Variants in BCAS3 observed in about 807,000 individuals in gnomAD.
BCAS3 encodes the protein BCAS3 microtubule associated cell migration factor.
A neutral mutation model predicts 116.1 loss-of-function variants in BCAS3; 53 were observed. The ratio of observed to expected loss-of-function variants is 0.46; its 90% CI spans 0.37 to 0.57. The LOEUF is 0.57. Ranked by LOEUF, BCAS3 falls within the 20% of genes least tolerant of loss-of-function variation. The pLI is 0.00. For synonymous variants in BCAS3, 391 were observed against 408.2 expected (o/e 0.96, Z 0.51); for missense variants, 917 against 1,165.4 (o/e 0.79, Z 3.10).
Position 61,368,569 on chromosome 17 carries a change from G to A in BCAS3, c.2593+75G>A, listed in dbSNP as rs952982996. The A allele has an allele frequency of 1.8e-5, 26 of 1,457,470 alleles. No homozygotes were observed. Among genetic ancestry groups the A allele is most frequent in the Admixed American group, 6.7e-5 (3 of 45,096 alleles). The allele number at this position is 1,457,470 out of a possible 1,614,324, so 90.3% of individuals were successfully genotyped here. A position where few individuals can be genotyped will look rare whatever the true frequency, so the allele number is the denominator to read the frequency against. On this transcript the variant is annotated intron_variant, in intron 23 of 23. Coordinates refer to ENST00000407086, the MANE Select transcript of BCAS3 (RefSeq NM_017679.5). This position sits in a 1 kb window ranked among gnomAD's most constrained non-coding sequence, Gnocchi z 6.0. ...GTTGGTGCAGAGCTTCTCTGGAATCGTTTGTGGGCATATGTTTGTTTTTGC... is the reference window on the plus strand; with the variant it reads ...GTTGGTGCAGAGCTTCTCTGGAATCATTTGTGGGCATATGTTTGTTTTTGC...
intron 14 of BCAS3, among the ~76,000 whole-genome samples, chr17:60,965,881 C>T (rs1445384265): frequency 6.6e-6 from 1 of 152,126 alleles, no homozygotes; most frequent in Non-Finnish European, 1.5e-5. Flanking sequence ...TAGTTTAACT[C>T]TGCTGTTTCA....
At chr17:60,855,235 A>T (rs1369409807) in intron 7 of BCAS3, among the ~76,000 whole-genome samples, 2 of 149,348 alleles carry the variant, frequency 1.3e-5, no homozygotes, top group African/African-American at 4.9e-5. Flanking sequence ...GGTGTGAGCC[A>T]CCGTGCCCAG....
At chr17:61,271,289 G>A (rs575111503) in intron 22 of BCAS3, among the ~76,000 whole-genome samples, 2 of 142,100 alleles carry the variant, frequency 1.4e-5, no homozygotes, top group Non-Finnish European at 3.0e-5. Context: ...CACCACGCCC[G>A]ACTAGTTTTT....
At position 61,368,184 on chromosome 17, in the gene BCAS3, C is replaced by A. The variant is rs2058840735; in HGVS notation, c.2426-143C>A. On this transcript the variant is annotated intron_variant, in intron 22 of 23. Transcript: ENST00000407086. The surrounding 1 kb of genome is among the most constrained non-coding windows in gnomAD (Gnocchi z 6.0). Reference sequence around the variant, plus strand: ...GCATGAGCTATTTCTCCTGCGCTACCCAGTCTGTTGGCGGCGTGCTTCCAT... The same window carrying A: ...GCATGAGCTATTTCTCCTGCGCTACACAGTCTGTTGGCGGCGTGCTTCCAT... The A allele has an allele frequency of 4.9e-6, 4 of 810,734 alleles. No individual in the cohort carries two copies. Among genetic ancestry groups the A allele is most frequent in the African/African-American group, 1.7e-5 (1 of 58,800 alleles). 50.2% of individuals were successfully genotyped at this position (810,734 alleles called of 1,614,324 possible).
chr17:60,807,875 C>T, intron 6 of BCAS3, 129 bp from the exon 7 acceptor site: 1 of 547,476 alleles, frequency 1.8e-6, no homozygotes, highest in Non-Finnish European at 3.1e-6. Context: ...TCTTTTTATT[C>T]AATTGTATAA....
At chr17:61,147,948 T>C (rs2077327547) in intron 22 of BCAS3, among the ~76,000 whole-genome samples, 1 of 150,304 alleles carries the variant, frequency 6.7e-6, no homozygotes, top group South Asian at 2.1e-4. Context: ...ATCATGCCAT[T>C]GCACTCCAAT....
At chr17:60,772,426 G>T (rs1228430182) in intron 6 of BCAS3, among the ~76,000 whole-genome samples, 2 of 152,096 alleles carry the variant, frequency 1.3e-5, no homozygotes, top group Non-Finnish European at 2.9e-5. Context: ...TTGAAAATTT[G>T]TTTAAGTTCT....
rs901043472 is a variant in BCAS3 at position 61,227,691 on chromosome 17, C to T, written c.2426-140636C>T. Among the ~76,000 whole-genome samples, 6 of 152,148 alleles carry T rather than the reference C, an allele frequency of 3.9e-5. No homozygotes were observed. Among genetic ancestry groups the T allele is most frequent in the South Asian group, 2.1e-4 (1 of 4,822 alleles). On this transcript the variant is annotated intron_variant, in intron 22 of 23. Coordinates refer to ENST00000407086, the MANE Select transcript of BCAS3 (RefSeq NM_017679.5). This position sits in a 1 kb window ranked among gnomAD's most constrained non-coding sequence, Gnocchi z 6.1. The stretch of plus-strand genomic sequence containing the variant: ...CCAGCCCATCAGGTTGGAGCACACT[C>T]GGGAAAGTTCTTGCTACTCCGAAGG...
intron 23 of BCAS3, among the ~76,000 whole-genome samples, chr17:61,371,434 G>A (rs1042361155): frequency 6.6e-6 from 1 of 152,150 alleles, no homozygotes; most frequent in African/African-American, 2.4e-5. Flanking sequence ...GAGTGGTCTG[G>A]GGGTTGAAGG....
chr17:61,016,561 G>A (rs1180513949), intron 16 of BCAS3, among the ~76,000 whole-genome samples: 2 of 152,014 alleles, frequency 1.3e-5, no homozygotes, highest in Non-Finnish European at 2.9e-5. Context: ...TAAACTGCTA[G>A]GTCTATGATA....
At chr17:61,252,637 A>G (rs1047751782) in intron 22 of BCAS3, among the ~76,000 whole-genome samples, 3 of 152,084 alleles carry the variant, frequency 2.0e-5, no homozygotes, top group African/African-American at 4.8e-5. Flanking sequence ...TCCTTATGGA[A>G]CATGGTTCCT....
chr17:60,916,318 CA>C (rs774695020), intron 12 of BCAS3, among the ~76,000 whole-genome samples: 1 of 152,094 alleles, frequency 6.6e-6, no homozygotes, highest in African/African-American at 2.4e-5. Context: ...GAAAGTGGTA[CA>C]ATATCTTTAA....
rs1602694959 is a variant in BCAS3, at chr17:61,325,437, C to T, written c.2426-42890C>T. Among the ~76,000 whole-genome samples the T allele has an allele frequency of 6.6e-6, 1 of 152,150 alleles. No individual in the cohort carries two copies. Among genetic ancestry groups the T allele is most frequent in the South Asian group, 2.1e-4 (1 of 4,832 alleles). On this transcript the variant is annotated intron_variant, in intron 22 of 23. Coordinates refer to ENST00000407086, the MANE Select transcript of BCAS3 (RefSeq NM_017679.5). This position sits in a 1 kb window ranked among gnomAD's most constrained non-coding sequence, Gnocchi z 6.4. ...CTCTGCTCCAGGGATATGGGCACTG[C>T]CTGGAGGGTGGTGAGCCTTTCCTGG...
At chr17:61,090,458 A>G (rs1341986396) in intron 22 of BCAS3, among the ~76,000 whole-genome samples, 3 of 152,220 alleles carry the variant, frequency 2.0e-5, no homozygotes, top group East Asian at 1.9e-4. Context: ...TCAAATATTA[A>G]GATTGGCTTT....
At chr17:61,114,793 G>C (rs1257407378) in intron 22 of BCAS3, among the ~76,000 whole-genome samples, 1 of 149,284 alleles carries the variant, frequency 6.7e-6, no homozygotes, top group African/African-American at 2.4e-5. Flanking sequence ...GCAATCCTAA[G>C]CCAAAAGAAC....
At chr17:60,921,612 CAAAAAAAAAAAA>C (rs755864096) in intron 12 of BCAS3, among the ~76,000 whole-genome samples, 1,169 of 33,348 alleles carry the variant, frequency 0.035, 18 homozygotes, top group African/African-American at 0.087. Flanking sequence ...GACTCCGTCT[CAAAAAAAAAAAA>C]AAAAAAAAAA....
In BCAS3 at chr17:61,309,493, G is replaced by A. The variant is rs751186423; in HGVS notation, c.2426-58834G>A. On this transcript the variant is annotated intron_variant, in intron 22 of 23. Transcript: ENST00000407086. This position sits in a 1 kb window ranked among gnomAD's most constrained non-coding sequence, Gnocchi z 4.6. ...TAAAGTGGACATCAGAGGGGTCCCG[G>A]CAATGCGGCCCTGACCCTTCCCTGC... 1.1e-4 allele frequency among the ~76,000 whole-genome samples: 16 copies of A among 152,134 alleles called. No homozygotes were observed. The highest frequency in any genetic ancestry group is 2.2e-4 in the Non-Finnish European group (15 of 68,024).
chr17:61,323,190 A>ATTT lies in BCAS3; in HGVS notation c.2426-45136_2426-45134dup, dbSNP rs2055450503. On this transcript the variant is annotated intron_variant, in intron 22 of 23. Coordinates refer to ENST00000407086, the MANE Select transcript of BCAS3 (RefSeq NM_017679.5). This position sits in a 1 kb window ranked among gnomAD's most constrained non-coding sequence, Gnocchi z 4.6. The stretch of plus-strand genomic sequence containing the variant: ...CTGATGACCACGGGCCAGATTGTTC[A>ATTT]TTTCACAAAGGGGAGGCTTTTAAAA... Among the ~76,000 whole-genome samples, 1 of 152,176 alleles carries ATTT rather than the reference A, an allele frequency of 6.6e-6. No individual in the cohort carries two copies. Among genetic ancestry groups the ATTT allele is most frequent in the Admixed American group, 6.5e-5 (1 of 15,280 alleles).
chr17:61,172,357 C>T (rs961012476), intron 22 of BCAS3, among the ~76,000 whole-genome samples: 4 of 152,300 alleles, frequency 2.6e-5, no homozygotes, highest in Non-Finnish European at 5.9e-5. Context: ...ATATTCTGGC[C>T]GGGCGTGGTG....
Sources: allele counts gnomAD v4.1 joint callset (sites outside exome capture counted in the v4.1 genomes callset), GRCh38; gene constraint gnomAD v4.1.1; non-coding constraint Gnocchi (gnomAD v3.1); transcripts MANE v1.5; gene names NCBI Gene and HGNC (gene_info 2026-07-23, HGNC 2026-07-21).